Variants in BLTP1 observed in about 807,000 individuals in gnomAD.
BLTP1 encodes bridge-like lipid transfer protein family member 1, also known as fragile site-associated protein.
the BLTP1 span, chr4:122,276,452 A>G: frequency 3.1e-6 from 3 of 978,672 alleles, no homozygotes; most frequent in African/African-American, 5.3e-5. Context: ...TGTATTTAAG[A>G]TGGGGAGAGT....
chr4:122,319,605 G>C, the BLTP1 span, among the ~76,000 whole-genome samples: 2 of 146,924 alleles, frequency 1.4e-5, no homozygotes, highest in Non-Finnish European at 3.0e-5. Context: ...GAAGTGGTGT[G>C]ATCTTGGTGT....
chr4:122,183,599 G>T, the BLTP1 span: 9 of 794,884 alleles, frequency 1.1e-5, no homozygotes, highest in Non-Finnish European at 1.4e-5. Context: ...CACTGGACTA[G>T]AATTTAGCAG....
the BLTP1 span, among the ~76,000 whole-genome samples, chr4:122,205,417 G>A: frequency 6.6e-6 from 1 of 151,746 alleles, no homozygotes. Flanking sequence ...AGGTTACACA[G>A]CTAGTAAAAT....
At chr4:122,347,547 C>T in the BLTP1 span, 5 of 1,613,426 alleles carry the variant, frequency 3.1e-6, no homozygotes, top group Non-Finnish European at 4.2e-6. Context: ...CACCTGATTC[C>T]ATTGAAGGGG....
chr4:122,223,167 T>C, the BLTP1 span: 1 of 973,218 alleles, frequency 1.0e-6, no homozygotes, highest in South Asian at 4.7e-5. Context: ...TCAGAAGAGC[T>C]TCTAGAGTGA....
At chr4:122,327,645 T>C in the BLTP1 span, among the ~76,000 whole-genome samples, 1 of 151,662 alleles carries the variant, frequency 6.6e-6, no homozygotes, top group African/African-American at 2.4e-5. Flanking sequence ...AAGCATCTAC[T>C]AGCTTTTAAA....
At chr4:122,317,289 G>A in the BLTP1 span, among the ~76,000 whole-genome samples, 30 of 151,132 alleles carry the variant, frequency 2.0e-4, no homozygotes, top group African/African-American at 6.8e-4. Context: ...CCAAGATTGC[G>A]CCATTGCACT....
the BLTP1 span, chr4:122,186,210 C>G: frequency 6.2e-7 from 1 of 1,609,994 alleles, no homozygotes; most frequent in Non-Finnish European, 8.5e-7. Flanking sequence ...AGAACCCAAT[C>G]GAAAATTGAA....
the BLTP1 span, among the ~76,000 whole-genome samples, chr4:122,212,926 G>A: frequency 6.6e-5 from 10 of 152,166 alleles, no homozygotes; most frequent in Admixed American, 6.5e-4. Context: ...ATTTTGACAT[G>A]TTTACTAAAT....
chr4:122,230,005 G>C, the BLTP1 span: 1 of 1,614,110 alleles, frequency 6.2e-7, no homozygotes, highest in Non-Finnish European at 8.5e-7. Context: ...CTGCAATTCA[G>C]GATTTTCAAG....
the BLTP1 span, chr4:122,262,872 G>A: frequency 6.2e-7 from 1 of 1,614,092 alleles, no homozygotes; most frequent in Non-Finnish European, 8.5e-7. Flanking sequence ...TCCAAGGAAG[G>A]AGAGCCTACT....
the BLTP1 span, among the ~76,000 whole-genome samples, chr4:122,267,837 C>T: frequency 1.3e-5 from 2 of 151,940 alleles, no homozygotes; most frequent in Admixed American, 6.6e-5. Context: ...GGACTTAAAT[C>T]GATAGAAATA....
At chr4:122,205,994 C>G in the BLTP1 span, 5 of 984,462 alleles carry the variant, frequency 5.1e-6, no homozygotes, top group Non-Finnish European at 6.0e-6. Flanking sequence ...GATGGTAGAT[C>G]AGTGCTAATG....
chr4:122,307,524 T>A, the BLTP1 span: 1 of 985,338 alleles, frequency 1.0e-6, no homozygotes, highest in Non-Finnish European at 1.2e-6. Context: ...CATCTTTGAC[T>A]TTTCTCTGTA....
chr4:122,173,423 C>T, the BLTP1 span, among the ~76,000 whole-genome samples: 1 of 152,042 alleles, frequency 6.6e-6, no homozygotes, highest in Non-Finnish European at 1.5e-5. Context: ...GTCTCTTTTT[C>T]CTCTTGTAAA....
chr4:122,200,666 T>C, the BLTP1 span: 1 of 985,092 alleles, frequency 1.0e-6, no homozygotes, highest in Admixed American at 6.2e-5. Flanking sequence ...CTATCTTCCT[T>C]CACACTGAGC....
chr4:122,333,678 A>C, the BLTP1 span: 3 of 1,611,280 alleles, frequency 1.9e-6, no homozygotes, highest in Non-Finnish European at 2.5e-6. Context: ...ACCTTCAAAA[A>C]AGAAGAAGTT....
chr4:122,262,005 C>T, the BLTP1 span: 15 of 985,306 alleles, frequency 1.5e-5, no homozygotes, highest in Non-Finnish European at 1.8e-5. Flanking sequence ...CAAAAAGCCT[C>T]TAGTTTCCTT....
chr4:122,158,389 T>C, the BLTP1 span, among the ~76,000 whole-genome samples: 2 of 152,230 alleles, frequency 1.3e-5, no homozygotes, highest in African/African-American at 4.8e-5. Context: ...GTAGATAACA[T>C]TTAAAAGTCA....
Sources: gnomAD v4.1 joint callset for allele counts (sites outside exome capture counted in the v4.1 genomes callset) on GRCh38, gnomAD v4.1.1 for gene constraint, MANE v1.5 for transcripts, NCBI Gene and HGNC (gene_info 2026-07-23, HGNC 2026-07-21) for gene names.